Variants in DIO2 observed in about 807,000 individuals in gnomAD.
DIO2 encodes the protein type II iodothyronine deiodinase.
Under a neutral mutation model 21.4 loss-of-function variants are expected in DIO2, and 19 were observed. The observed-to-expected ratio is 0.89, with a 90% CI of 0.62 to 1.30. The LOEUF is 1.30. Ranked by LOEUF, DIO2 falls within the 50% of genes most tolerant of loss-of-function variation. The pLI, the probability that DIO2 is intolerant of heterozygous loss-of-function variation, is 0.00. For synonymous variants in DIO2, 122 were observed against 132.9 expected (o/e 0.92, Z 0.57); for missense variants, 302 against 338.1 (o/e 0.89, Z 0.84).
intron 2 of DIO2, among the ~76,000 whole-genome samples, chr14:80,224,723 A>G (rs1483234132): frequency 1.3e-5 from 2 of 152,224 alleles, no homozygotes; most frequent in African/African-American, 4.8e-5. Flanking sequence ...TTTGAAGAAT[A>G]TTTAAACTGT....
At chr14:80,213,826 C>T (rs1178099439), upstream of DIO2, among the ~76,000 whole-genome samples, 7 of 152,304 alleles carry the variant, frequency 4.6e-5, 1 homozygote, top group East Asian at 1.4e-3. Context: ...GCATTCCCTA[C>T]AAATTCTTTC....
At position 80,200,555 on chromosome 14, in the gene DIO2, C is replaced by T. The variant is rs1375062327; in HGVS notation, c.*2134G>A. 3 of 152,180 alleles carry T rather than the reference C, an allele frequency of 2.0e-5. No homozygotes were observed. The highest frequency in any genetic ancestry group is 7.2e-5 in the African/African-American group (3 of 41,418). 9.4% of individuals were successfully genotyped at this position (152,180 alleles called of 1,614,324 possible). Reference sequence around the variant, plus strand: ...TACTGCTTTAGGGTTCCACGTAAATCTCAACACCATTTTGAGGTTAAAAAT... The same window carrying T: ...TACTGCTTTAGGGTTCCACGTAAATTTCAACACCATTTTGAGGTTAAAAAT... On this transcript the variant is annotated 3_prime_UTR_variant, in exon 2 of 2. Transcript: ENST00000438257.
chr14:80,224,587 C>A (rs1458685692), intron 2 of DIO2, among the ~76,000 whole-genome samples: 2 of 150,254 alleles, frequency 1.3e-5, no homozygotes, highest in Non-Finnish European at 3.0e-5. Context: ...CAATTTTGGC[C>A]CACTGACACT....
At chr14:80,227,954 C>T (rs1355375097) in intron 2 of DIO2, among the ~76,000 whole-genome samples, 1 of 152,162 alleles carries the variant, frequency 6.6e-6, no homozygotes. Context: ...CTCTACAGGC[C>T]CCACACCACT....
intron 1 of DIO2, chr14:80,206,268 C>T (rs1446822956): frequency 6.3e-7 from 1 of 1,582,020 alleles, no homozygotes; most frequent in Admixed American, 1.8e-5. Context: ...CAGTAGTCTG[C>T]TTTTATAAGC....
At chr14:80,208,359 CT>C (rs960784097) in intron 1 of DIO2, among the ~76,000 whole-genome samples, 1 of 152,016 alleles carries the variant, frequency 6.6e-6, no homozygotes, top group African/African-American at 2.4e-5. Flanking sequence ...CCCTTTCAAC[CT>C]TTTAAGAAAG....
chr14:80,207,128 C>A (rs1179997234), intron 1 of DIO2, among the ~76,000 whole-genome samples: 1 of 152,128 alleles, frequency 6.6e-6, no homozygotes, highest in African/African-American at 2.4e-5. Flanking sequence ...ACAACACCAA[C>A]AAAGGAGGTA....
intron 2 of DIO2, among the ~76,000 whole-genome samples, chr14:80,222,938 T>C (rs572241114): frequency 1.3e-3 from 200 of 151,710 alleles, no homozygotes; most frequent in African/African-American, 4.7e-3. Flanking sequence ...TCATAGCTCA[T>C]TGCAGCCTCA....
At chr14:80,220,091 T>C (rs539251314) in intron 2 of DIO2, among the ~76,000 whole-genome samples, 1 of 152,184 alleles carries the variant, frequency 6.6e-6, no homozygotes, top group South Asian at 2.1e-4. Flanking sequence ...TTTTTGTTTT[T>C]TGAGAGGGAG....
chr14:80,230,732 TA>T (rs1210559536), intron 2 of DIO2, among the ~76,000 whole-genome samples: 1 of 152,300 alleles, frequency 6.6e-6, no homozygotes. Context: ...TTTTTGGTTA[TA>T]ATCATATTAA....
Position 80,211,379 on chromosome 14 carries a change from T to A in DIO2, c.94A>T (p.Ile32Phe). The A allele has an allele frequency of 6.2e-7, 1 of 1,613,726 alleles. No homozygotes were observed. The highest frequency in any genetic ancestry group is 8.5e-7 in the Non-Finnish European group (1 of 1,179,834). Residue 32 changes from isoleucine (I) to phenylalanine (F), a missense_variant, in exon 1 of 2, where the codon ATT (isoleucine) becomes TTT (phenylalanine). By Grantham distance (21) the Ile-to-Phe change is conservative (BLOSUM62 0). Coordinates refer to ENST00000438257, the MANE Select transcript of DIO2 (RefSeq NM_013989.5). ...CLFLALYDSVILLKHVVLLLS... is the reference protein window; with the variant it reads ...CLFLALYDSVFLLKHVVLLLS... ...AGCAGCACCACGTGCTTGAGCAGAA[T>A]GACCGAGTCATAGAGAGCCAGGAAG...
At chr14:80,218,045 C>A (rs1446214613) in intron 2 of DIO2, among the ~76,000 whole-genome samples, 1 of 152,046 alleles carries the variant, frequency 6.6e-6, no homozygotes, top group Non-Finnish European at 1.5e-5. Flanking sequence ...ATATTTATGC[C>A]ATGTTGATGG....
chr14:80,223,523 G>C (rs565931600), intron 2 of DIO2, among the ~76,000 whole-genome samples: 1 of 152,298 alleles, frequency 6.6e-6, no homozygotes, highest in East Asian at 1.9e-4. Context: ...TTTAGAGGTA[G>C]AAAGGCAATC....
chr14:80,230,639 C>T (rs1024784813), intron 2 of DIO2, among the ~76,000 whole-genome samples: 5 of 152,138 alleles, frequency 3.3e-5, no homozygotes, highest in African/African-American at 1.2e-4. Flanking sequence ...GTGGCAAATG[C>T]ATTAATTTTG....
upstream of DIO2, among the ~76,000 whole-genome samples, chr14:80,213,871 G>A (rs1888287061): frequency 6.6e-6 from 1 of 152,072 alleles, no homozygotes; most frequent in African/African-American, 2.4e-5. Flanking sequence ...AATGAGTTTT[G>A]AATTTGCATC....
chr14:80,199,021 C>G lies in DIO2; in HGVS notation c.*3668G>C, dbSNP rs907961595. The G allele has an allele frequency of 1.3e-5, 2 of 152,212 alleles. No homozygotes were observed. Among genetic ancestry groups the G allele is most frequent in the Admixed American group, 6.5e-5 (1 of 15,282 alleles). The allele number at this position is 152,212 out of a possible 1,614,324, so 9.4% of individuals were successfully genotyped here. A position where few individuals can be genotyped will look rare whatever the true frequency, so the allele number is the denominator to read the frequency against. On this transcript the variant is annotated 3_prime_UTR_variant, in exon 2 of 2. Transcript: ENST00000438257. ...GAACAAATGTCCAGATTCATCCATC[C>G]TCTTAAGATTGACATAAAGAGAAGT...
At chr14:80,203,962 A>G (rs1260716426) in intron 1 of DIO2, among the ~76,000 whole-genome samples, 1 of 152,240 alleles carries the variant, frequency 6.6e-6, no homozygotes, top group Non-Finnish European at 1.5e-5. Flanking sequence ...ACTGGAGGAC[A>G]ACATGAGAAA....
At chr14:80,206,247 T>A (rs1286918305) in intron 1 of DIO2, 4 of 1,561,150 alleles carry the variant, frequency 2.6e-6, no homozygotes. Context: ...TAAATCCAAA[T>A]GTGAGTAGAC....
intron 1 of DIO2, among the ~76,000 whole-genome samples, chr14:80,205,252 T>C (rs751379748): frequency 1.4e-4 from 22 of 152,306 alleles, no homozygotes; most frequent in Non-Finnish European, 2.6e-4. Flanking sequence ...TTTAGATCTT[T>C]CCCATTTGAA....
Sources: allele counts gnomAD v4.1 joint callset (sites outside exome capture counted in the v4.1 genomes callset), GRCh38; gene constraint gnomAD v4.1.1; transcripts MANE v1.5; gene names NCBI Gene and HGNC (gene_info 2026-07-23, HGNC 2026-07-21).